EEF2K: variants seen among roughly 807,000 people sequenced by gnomAD.
EEF2K encodes the protein alternative protein EEF2K.
In EEF2K, 70 loss-of-function variants were observed where a neutral mutation model predicts 93.8. That is an observed-to-expected ratio of 0.75 (90% CI 0.62 to 0.91). The LOEUF (loss-of-function observed/expected upper bound fraction) is 0.91. Among genes scored for constraint, EEF2K ranks in the 40% least tolerant of loss-of-function variants. The pLI is 0.00. For synonymous variants in EEF2K, 376 were observed against 380.8 expected, an observed-to-expected ratio of 0.99 and a Z score of 0.15; for missense variants, 935 against 972.9, an observed-to-expected ratio of 0.96 and a Z score of 0.52.
chr16:22,277,560 A>G (rs1478904213), intron 16 of EEF2K, among the ~76,000 whole-genome samples: 1 of 152,216 alleles, frequency 6.6e-6, no homozygotes, highest in East Asian at 1.9e-4. Context: ...CTGGGAATGC[A>G]GTAGACAAAT....
rs773605025 is a variant in EEF2K, at chr16:22,225,724, A to G, written c.-6A>G. On this transcript the variant is annotated 5_prime_UTR_variant, in exon 2 of 18. Transcript: ENST00000263026. ...ACTGCTTGGGTAAAACGGGCACCCC[A>G]GGAACATGGCAGACGAAGATCTCAT... is the stretch of plus-strand genomic sequence containing the variant. 53 of 1,613,702 alleles carry G rather than the reference A, an allele frequency of 3.3e-5. No individual in the cohort carries two copies. Among genetic ancestry groups the G allele is most frequent in the Non-Finnish European group, 4.4e-5 (52 of 1,179,858 alleles).
chr16:22,229,415 A>G (rs1025605647), intron 2 of EEF2K, among the ~76,000 whole-genome samples: 1 of 152,228 alleles, frequency 6.6e-6, no homozygotes, highest in Non-Finnish European at 1.5e-5. Flanking sequence ...CAAAGCTGGT[A>G]TAAAGAAGAC....
intron 11 of EEF2K, 28 bp downstream of exon 11, chr16:22,260,557 G>A: frequency 1.2e-6 from 2 of 1,613,812 alleles, no homozygotes; most frequent in Non-Finnish European, 1.7e-6. Flanking sequence ...GAGGCTGCAG[G>A]CTTCAGACCC....
At chr16:22,255,066 A>C (rs1240754072) in intron 6 of EEF2K, among the ~76,000 whole-genome samples, 2 of 152,096 alleles carry the variant, frequency 1.3e-5, no homozygotes, top group Non-Finnish European at 2.9e-5. Context: ...CTGGGCAATA[A>C]AATATAAAAT....
chr16:22,213,377 C>G (rs556090693), intron 1 of EEF2K, among the ~76,000 whole-genome samples: 2 of 152,300 alleles, frequency 1.3e-5, no homozygotes, highest in African/African-American at 4.8e-5. Flanking sequence ...CTGCAGGGGA[C>G]TGTTCTGTTT....
At position 22,231,998 on chromosome 16, in the gene EEF2K, C is replaced by CAAAAAAAAAAAAAAAA. The variant is rs35198909; in HGVS notation, c.246+6030_246+6045dup. 3.0e-5 allele frequency among the ~76,000 whole-genome samples: 2 copies of CAAAAAAAAAAAAAAAA among 65,986 alleles called. 1 individual carries two copies. The allele number at this position is 65,986 out of a possible 152,430, so 43.3% of individuals were successfully genotyped here. A position where few individuals can be genotyped will look rare whatever the true frequency, so the allele number is the denominator to read the frequency against. On this transcript the variant is annotated intron_variant, in intron 2 of 17. Transcript: ENST00000263026. ...AGAGCGAAACTCTGTCTTAAACAAA[C>CAAAAAAAAAAAAAAAA]AAAAAAAAAAAAAAAAAAAAAAGCT...
At chr16:22,245,232 C>T (rs1027090582) in intron 3 of EEF2K, among the ~76,000 whole-genome samples, 2 of 152,148 alleles carry the variant, frequency 1.3e-5, no homozygotes, top group African/African-American at 4.8e-5. Context: ...AGCACTGCTG[C>T]ACTCCAACCT....
At chr16:22,208,346 GC>G (rs1394121680) in intron 1 of EEF2K, among the ~76,000 whole-genome samples, 1 of 151,558 alleles carries the variant, frequency 6.6e-6, no homozygotes, top group Admixed American at 6.6e-5. Context: ...AACATAGGGA[GC>G]CCCCATCTCT....
At chr16:22,229,356 C>G (rs1283605292) in intron 2 of EEF2K, among the ~76,000 whole-genome samples, 1 of 152,114 alleles carries the variant, frequency 6.6e-6, no homozygotes, top group Non-Finnish European at 1.5e-5. Flanking sequence ...CTTCTCTGGA[C>G]TGAGGAAAAG....
At chr16:22,226,477 T>G (rs2047064936) in intron 2 of EEF2K, among the ~76,000 whole-genome samples, 1 of 150,858 alleles carries the variant, frequency 6.6e-6, no homozygotes, top group Non-Finnish European at 1.5e-5. Flanking sequence ...CTAAGGACCT[T>G]ATTTCTCTTT....
intron 16 of EEF2K, 78 bp from the exon 17 acceptor site, chr16:22,280,120 C>A: frequency 7.3e-7 from 1 of 1,376,022 alleles, no homozygotes; most frequent in Non-Finnish European, 9.5e-7. Context: ...CTGACTTGCC[C>A]CTCCTGCTGG....
intron 1 of EEF2K, among the ~76,000 whole-genome samples, chr16:22,224,497 T>C (rs1227198766): frequency 6.6e-6 from 1 of 151,792 alleles, no homozygotes; most frequent in African/African-American, 2.4e-5. Flanking sequence ...CCAGGCTTGG[T>C]GGCATACACC....
Position 22,263,138 on chromosome 16 carries a change from A to T in EEF2K, c.1328A>T (p.Tyr443Phe). ...TCTGAGAATAGTGGGGACAGCGGAT[A>T]CCCCAGTGAGAAGCGGGGTGAGCTG... ...RESENSGDSGYPSEKRGELDD... is the reference protein window; with the variant it reads ...RESENSGDSGFPSEKRGELDD... The change falls in exon 12 of 18, where the codon TAC becomes TTC. Residue 443 changes from tyrosine (Y) to phenylalanine (F), a missense_variant. By Grantham distance (22) the Tyr-to-Phe change is conservative. Coordinates refer to ENST00000263026, the MANE Select transcript of EEF2K (RefSeq NM_013302.5). 1.9e-6 allele frequency: 3 copies of T among 1,612,398 alleles called. No homozygotes were observed. Among genetic ancestry groups the T allele is most frequent in the Non-Finnish European group, 2.5e-6 (3 of 1,179,180 alleles).
intron 6 of EEF2K, among the ~76,000 whole-genome samples, chr16:22,252,082 T>C (rs1233814009): frequency 6.6e-6 from 1 of 152,164 alleles, no homozygotes; most frequent in Non-Finnish European, 1.5e-5. Flanking sequence ...GCGTGAGCCA[T>C]TGCACTTGTT....
intron 15 of EEF2K, among the ~76,000 whole-genome samples, chr16:22,271,879 G>A (rs1042119640): frequency 1.8e-4 from 28 of 152,170 alleles, no homozygotes; most frequent in African/African-American, 6.8e-4. Context: ...ACATAAGTGA[G>A]ATGAAAGTGA....
intron 1 of EEF2K, among the ~76,000 whole-genome samples, chr16:22,217,743 G>A (rs1179741992): frequency 6.6e-6 from 1 of 152,112 alleles, no homozygotes; most frequent in Non-Finnish European, 1.5e-5. Context: ...GTGAGCCACC[G>A]TGCCTGGCTG....
At chr16:22,228,053 G>T (rs187561472) in intron 2 of EEF2K, among the ~76,000 whole-genome samples, 2 of 112,946 alleles carry the variant, frequency 1.8e-5, no homozygotes, top group Non-Finnish European at 3.3e-5. Context: ...TCACTCTGTC[G>T]CCCAGGCTGG....
intron 3 of EEF2K, among the ~76,000 whole-genome samples, chr16:22,245,592 TAAG>T (rs1458128995): frequency 1.3e-5 from 2 of 151,964 alleles, no homozygotes; most frequent in African/African-American, 4.8e-5. Context: ...CAACTAGAGT[TAAG>T]AACACCTCAG....
At chr16:22,243,132 T>A (rs2047241952) in intron 2 of EEF2K, among the ~76,000 whole-genome samples, 2 of 152,084 alleles carry the variant, frequency 1.3e-5, no homozygotes, top group Admixed American at 6.6e-5. Context: ...CTTAGAAATT[T>A]ATGTTATCTA....
Sources: allele counts gnomAD v4.1 joint callset (sites outside exome capture counted in the v4.1 genomes callset), GRCh38; gene constraint gnomAD v4.1.1; transcripts MANE v1.5; gene names NCBI Gene and HGNC (gene_info 2026-07-23, HGNC 2026-07-21).